PRRX1: variants seen among roughly 807,000 people sequenced by gnomAD.
The protein encoded by PRRX1 is paired mesoderm homeobox protein 1.
In PRRX1, 8 loss-of-function variants were observed where a neutral mutation model predicts 24.0. That is an observed-to-expected ratio of 0.33 (90% CI 0.20 to 0.60). The LOEUF is 0.60. Among genes scored for constraint, PRRX1 ranks in the 20% least tolerant of loss-of-function variants. PRRX1 has a pLI of 0.82. For missense variants in PRRX1, 281 were observed against 322.4 expected, an observed-to-expected ratio of 0.87 and a Z score of 0.98; for synonymous variants, 160 against 131.7, an observed-to-expected ratio of 1.22 and a Z score of -1.47.
chr1:170,699,961 A>T (rs1280996156), intron 1 of PRRX1, among the ~76,000 whole-genome samples: 2 of 152,106 alleles, frequency 1.3e-5, no homozygotes, highest in East Asian at 1.9e-4. Context: ...ACCTCAGGTG[A>T]TCTGCCAGCC....
At chr1:170,710,096 G>A (rs1654697810) in intron 1 of PRRX1, among the ~76,000 whole-genome samples, 1 of 152,088 alleles carries the variant, frequency 6.6e-6, no homozygotes. Context: ...TGGGCATGGA[G>A]GAATATGTCA....
intron 1 of PRRX1, among the ~76,000 whole-genome samples, chr1:170,677,846 G>C (rs1653373928): frequency 6.6e-6 from 1 of 152,170 alleles, no homozygotes; most frequent in African/African-American, 2.4e-5. Flanking sequence ...AGGGATTTAA[G>C]ATGTTACAGT....
At chr1:170,735,818 C>T (rs574251467) in intron 3 of PRRX1, among the ~76,000 whole-genome samples, 21 of 151,258 alleles carry the variant, frequency 1.4e-4, no homozygotes, top group African/African-American at 5.1e-4. Context: ...CTCTTCCTCC[C>T]TTTCCTCACT....
chr1:170,703,965 T>C (rs953539974), intron 1 of PRRX1, among the ~76,000 whole-genome samples: 1 of 152,246 alleles, frequency 6.6e-6, no homozygotes, highest in Non-Finnish European at 1.5e-5. Context: ...GAATAATTAA[T>C]GTGGCCTAGA....
intron 1 of PRRX1, among the ~76,000 whole-genome samples, chr1:170,711,614 G>A (rs569722580): frequency 2.0e-5 from 3 of 152,092 alleles, no homozygotes; most frequent in Non-Finnish European, 4.4e-5. Context: ...ATTGAAAAAG[G>A]TGACATATGA....
At chr1:170,678,118 A>G (rs552484569) in intron 1 of PRRX1, among the ~76,000 whole-genome samples, 30 of 152,354 alleles carry the variant, frequency 2.0e-4, no homozygotes, top group South Asian at 4.1e-4. Context: ...ATAATTATAC[A>G]TAAAGTTGCC....
chr1:170,701,812 A>T (rs1654368882), intron 1 of PRRX1, among the ~76,000 whole-genome samples: 1 of 152,204 alleles, frequency 6.6e-6, no homozygotes, highest in South Asian at 2.1e-4. Context: ...AAATCAGAGT[A>T]ATTATTAATA....
At chr1:170,691,500 C>CCTTTCCTTT (rs1653950273) in intron 1 of PRRX1, among the ~76,000 whole-genome samples, 1 of 144,328 alleles carries the variant, frequency 6.9e-6, no homozygotes, top group Non-Finnish European at 1.5e-5. Context: ...CCTTTCCTTT[C>CCTTTCCTTT]CTTTCCTTTC....
At chr1:170,707,308 A>T (rs1439670091) in intron 1 of PRRX1, among the ~76,000 whole-genome samples, 3 of 152,158 alleles carry the variant, frequency 2.0e-5, no homozygotes, top group Non-Finnish European at 4.4e-5. Flanking sequence ...GTATGGAAAT[A>T]ACCAAATAGA....
intron 1 of PRRX1, among the ~76,000 whole-genome samples, chr1:170,690,217 G>A (rs1438586902): frequency 5.3e-5 from 8 of 151,726 alleles, no homozygotes; most frequent in East Asian, 1.9e-4. Flanking sequence ...GGTCTGGTCC[G>A]TGCCCCCTAT....
chr1:170,713,411 A>T (rs1571340041), intron 1 of PRRX1, among the ~76,000 whole-genome samples: 1 of 152,338 alleles, frequency 6.6e-6, no homozygotes, highest in Non-Finnish European at 1.5e-5. Context: ...ATGTCTTAAG[A>T]GAGTTAAAGC....
chr1:170,721,697 A>T (rs538919673), intron 2 of PRRX1, among the ~76,000 whole-genome samples: 1 of 152,160 alleles, frequency 6.6e-6, no homozygotes, highest in Admixed American at 6.5e-5. Flanking sequence ...CATAGAGACA[A>T]TACTCAGTTT....
At chr1:170,725,223 CA>C (rs1377950355) in intron 2 of PRRX1, among the ~76,000 whole-genome samples, 15 of 152,148 alleles carry the variant, frequency 9.9e-5, no homozygotes, top group African/African-American at 3.6e-4. Flanking sequence ...AGGTCATCTG[CA>C]AACAGAGACA....
intron 1 of PRRX1, among the ~76,000 whole-genome samples, chr1:170,692,659 A>G (rs1654030738): frequency 6.6e-6 from 1 of 151,600 alleles, no homozygotes; most frequent in Non-Finnish European, 1.5e-5. Flanking sequence ...AATGGGTCAA[A>G]TAGAGAATCT....
At chr1:170,712,673 T>A (rs140572870) in intron 1 of PRRX1, among the ~76,000 whole-genome samples, 2 of 152,328 alleles carry the variant, frequency 1.3e-5, no homozygotes, top group Admixed American at 1.3e-4. Flanking sequence ...AATTTTCAAA[T>A]GACCCCAGGA....
chr1:170,700,068 T>TATATGC (rs1654303054), intron 1 of PRRX1, among the ~76,000 whole-genome samples: 1 of 152,222 alleles, frequency 6.6e-6, no homozygotes, highest in Non-Finnish European at 1.5e-5. Context: ...TATAATCATA[T>TATATGC]TTAAATGTAT....
At chr1:170,692,027 A>G (rs1653999932) in intron 1 of PRRX1, among the ~76,000 whole-genome samples, 1 of 152,106 alleles carries the variant, frequency 6.6e-6, no homozygotes, top group Non-Finnish European at 1.5e-5. Flanking sequence ...GTCCTTTAGG[A>G]AACTTAAGAG....
At chr1:170,663,643 A>G (rs1652802461), upstream of PRRX1, 2 of 152,250 alleles carry the variant, frequency 1.3e-5, no homozygotes, top group Admixed American at 6.5e-5. Context: ...GTTTTCTTGA[A>G]GATGTTTTAA....
chr1:170,732,727 T>C (rs1655472724), intron 3 of PRRX1, among the ~76,000 whole-genome samples: 1 of 152,192 alleles, frequency 6.6e-6, no homozygotes, highest in Non-Finnish European at 1.5e-5. Context: ...CTTGCGGCTA[T>C]AGGATGCTGA....
Sources: allele counts gnomAD v4.1 joint callset (sites outside exome capture counted in the v4.1 genomes callset), GRCh38; gene constraint gnomAD v4.1.1; transcripts MANE v1.5; gene names NCBI Gene and HGNC (gene_info 2026-07-23, HGNC 2026-07-21).